The following HBP1 variants were observed in gnomAD, a reference collection of about 807,000 sequenced individuals.
The protein encoded by HBP1 is HMG-box transcription factor 1.
A neutral mutation model predicts 62.6 loss-of-function variants in HBP1; 20 were observed. That is an observed-to-expected ratio of 0.32 (90% CI 0.22 to 0.46). The LOEUF (loss-of-function observed/expected upper bound fraction) is 0.46. Among genes scored for constraint, HBP1 ranks in the 20% least tolerant of loss-of-function variants. The pLI, the probability that HBP1 is intolerant of heterozygous loss-of-function variation, is 1.00. For synonymous variants in HBP1, 232 were observed against 206.2 expected, an observed-to-expected ratio of 1.12 and a Z score of -1.07; for missense variants, 480 against 611.8, an observed-to-expected ratio of 0.78 and a Z score of 2.27.
intron 1 of HBP1, among the ~76,000 whole-genome samples, chr7:107,173,153 T>C (rs1796682336): frequency 6.6e-6 from 1 of 152,226 alleles, no homozygotes; most frequent in Admixed American, 6.5e-5. Flanking sequence ...AAAGTTGCAT[T>C]TAATATACTT....
chr7:107,184,768 C>G (rs1377850180), intron 3 of HBP1, among the ~76,000 whole-genome samples: 5 of 152,194 alleles, frequency 3.3e-5, no homozygotes, highest in Non-Finnish European at 7.3e-5. Context: ...CCTTGGCCTC[C>G]CAAAGTGCTG....
chr7:107,193,882 A>G (rs918138364), intron 8 of HBP1, among the ~76,000 whole-genome samples: 1 of 152,124 alleles, frequency 6.6e-6, no homozygotes, highest in African/African-American at 2.4e-5. Context: ...AAATCTGTAG[A>G]ATGGGGATAA....
chr7:107,191,963 A>C (rs918980093), intron 8 of HBP1, among the ~76,000 whole-genome samples: 9 of 152,134 alleles, frequency 5.9e-5, no homozygotes, highest in Non-Finnish European at 2.9e-5. Context: ...AAATTGGGAA[A>C]GGGAAAAGAT....
intron 9 of HBP1, 101 bp from the exon 10 acceptor site, chr7:107,200,059 A>G (rs577888514): frequency 1.1e-6 from 1 of 935,856 alleles, no homozygotes; most frequent in Admixed American, 3.3e-5. Context: ...CAAGATTTTC[A>G]TCTTTTTTAA....
intron 3 of HBP1, among the ~76,000 whole-genome samples, chr7:107,183,933 A>T (rs961678910): frequency 2.6e-5 from 4 of 152,184 alleles, no homozygotes; most frequent in Non-Finnish European, 5.9e-5. Context: ...GTCTATAGTT[A>T]AGGAGTTGAG....
At chr7:107,189,182 C>A in intron 6 of HBP1, 110 bp from the exon 7 acceptor site, 3 of 835,220 alleles carry the variant, frequency 3.6e-6, no homozygotes, top group Non-Finnish European at 5.6e-6. Flanking sequence ...TGGCAGGGAT[C>A]CTGTCTTGGT....
At chr7:107,176,108 C>T (rs1796837265) in intron 1 of HBP1, among the ~76,000 whole-genome samples, 1 of 151,544 alleles carries the variant, frequency 6.6e-6, no homozygotes, top group South Asian at 2.1e-4. Context: ...TCACTGCAAC[C>T]TCTGTCTCCC....
intron 1 of HBP1, 60 bp from the exon 2 acceptor site, chr7:107,179,819 T>G (rs1797027223): frequency 1.8e-6 from 2 of 1,103,206 alleles, no homozygotes; most frequent in East Asian, 2.4e-5. Context: ...TATTTTAGGT[T>G]TGTGTACTGC....
chr7:107,186,303 A>G (rs1797371535), intron 4 of HBP1, 58 bp from the exon 5 acceptor site: 1 of 1,009,420 alleles, frequency 9.9e-7, no homozygotes, highest in African/African-American at 1.6e-5. Context: ...ATGAAAACAG[A>G]TATTAAAAGG....
chr7:107,170,425 G>GTT (rs11431776), intron 1 of HBP1, among the ~76,000 whole-genome samples: 2 of 150,798 alleles, frequency 1.3e-5, no homozygotes, highest in African/African-American at 2.4e-5. Flanking sequence ...TGTACTTTTG[G>GTT]TTTTTTTTTG....
intron 8 of HBP1, among the ~76,000 whole-genome samples, chr7:107,191,540 A>C (rs1584496815): frequency 6.6e-6 from 1 of 152,210 alleles, no homozygotes; most frequent in African/African-American, 2.4e-5. Flanking sequence ...GAGATGGTGC[A>C]AGTAAGTTTG....
chr7:107,195,148 A>G (rs1032105541), intron 8 of HBP1, among the ~76,000 whole-genome samples: 2 of 152,156 alleles, frequency 1.3e-5, no homozygotes, highest in Non-Finnish European at 2.9e-5. Context: ...CAGTCACCCG[A>G]ATAGCTGGGA....
At position 107,200,251 on chromosome 7, in the gene HBP1, G is replaced by C. The variant is rs1384096653; in HGVS notation, c.1477G>C (p.Glu493Gln). Residue 493 changes from glutamate to glutamine, a missense_variant, in exon 10 of 11, where the codon GAA (glutamate) becomes CAA (glutamine). Physicochemically the swap from Glu to Gln is conservative, Grantham distance 29. Coordinates refer to ENST00000222574, the MANE Select transcript of HBP1 (RefSeq NM_012257.4). ...ATTAGAAGCAAAGGCTTTGGCTGAAGAACAGAAACGTTTAAATCCTGACTG... is the reference window on the plus strand; with the variant it reads ...ATTAGAAGCAAAGGCTTTGGCTGAACAACAGAAACGTTTAAATCCTGACTG... ...YTLEAKALAE[E>Q]QKRLNPDCWK... The C allele has an allele frequency of 6.2e-7, 1 of 1,613,390 alleles. No homozygotes were observed. Among genetic ancestry groups the C allele is most frequent in the Non-Finnish European group, 8.5e-7 (1 of 1,179,520 alleles).
Position 107,179,866 on chromosome 7 carries a change from T to TG in HBP1, c.-15-13_-15-12insG. The TG allele has an allele frequency of 6.5e-7, 1 of 1,546,286 alleles. No individual in the cohort carries two copies. On this transcript the variant is annotated splice_polypyrimidine_tract_variant and intron_variant, in intron 1 of 10. Coordinates refer to ENST00000222574, the MANE Select transcript of HBP1 (RefSeq NM_012257.4). ...GGCTTGACATCATTTCTTAATGTCG[T>TG]TTTTATTTTAAGTCAGAGCACCATA...
intron 7 of HBP1, 84 bp from the exon 8 acceptor site, chr7:107,190,089 T>C (rs1797578687): frequency 2.1e-6 from 2 of 961,764 alleles, no homozygotes; most frequent in Non-Finnish European, 1.5e-6. Flanking sequence ...ATTTTATTTT[T>C]AAGATATAGA....
chr7:107,180,334 C>T (rs570370844), intron 2 of HBP1, among the ~76,000 whole-genome samples: 2 of 152,288 alleles, frequency 1.3e-5, no homozygotes, highest in African/African-American at 2.4e-5. Context: ...CGTGGCTTTT[C>T]GAAAGATGCT....
chr7:107,189,829 A>G, intron 7 of HBP1: 1 of 231,512 alleles, frequency 4.3e-6, no homozygotes. Context: ...AGATGATTTT[A>G]TAATTCAGAG....
intron 8 of HBP1, among the ~76,000 whole-genome samples, chr7:107,194,733 G>A (rs1797808927): frequency 6.6e-6 from 1 of 152,214 alleles, no homozygotes; most frequent in Non-Finnish European, 1.5e-5. Flanking sequence ...AGGGAAGGAA[G>A]TAGGAGCTAG....
rs1798380607 is a variant in HBP1 at position 107,202,195 on chromosome 7, G to GTATC, written c.*766_*769dup. The GTATC allele has an allele frequency of 6.6e-6, 1 of 152,602 alleles. No homozygotes were observed. Among genetic ancestry groups the GTATC allele is most frequent in the South Asian group, 2.1e-4 (1 of 4,832 alleles). The allele number at this position is 152,602 out of a possible 1,614,324, so 9.5% of individuals were successfully genotyped here. On this transcript the variant is annotated 3_prime_UTR_variant, in exon 11 of 11. Coordinates refer to ENST00000222574, the MANE Select transcript of HBP1 (RefSeq NM_012257.4). ...ATTGTATTTTTTAACTTCGTGTTCTGTATCTCCTCAGCCATGTATCTTAAA... is the reference window on the plus strand; with the variant it reads ...ATTGTATTTTTTAACTTCGTGTTCTGTATCTATCTCCTCAGCCATGTATCTTAAA...
Sources: allele counts gnomAD v4.1 joint callset (sites outside exome capture counted in the v4.1 genomes callset), GRCh38; gene constraint gnomAD v4.1.1; transcripts MANE v1.5; gene names NCBI Gene and HGNC (gene_info 2026-07-23, HGNC 2026-07-21).